PCM1: variants seen among roughly 807,000 people sequenced by gnomAD.
PCM1 encodes the protein pericentriolar material 1.
A neutral mutation model predicts 241.9 loss-of-function variants in PCM1; 157 were observed. That is an observed-to-expected ratio of 0.65 (90% CI 0.57 to 0.74). The LOEUF (loss-of-function observed/expected upper bound fraction) is 0.74, where lower values mean the gene tolerates loss of function less well. PCM1 is among the 30% of genes least tolerant of loss of function. The pLI, the probability that PCM1 is intolerant of heterozygous loss-of-function variation, is 0.00. For synonymous variants in PCM1, 1,085 were observed against 784.9 expected, an observed-to-expected ratio of 1.38 and a Z score of -6.39; for missense variants, 3,478 against 2,360.1, an observed-to-expected ratio of 1.47 and a Z score of -9.81.
Position 17,966,119 on chromosome 8 carries a change from C to G in PCM1, c.2976C>G (p.Tyr992Ter), listed in dbSNP as rs760928956. Residue 992 changes from tyrosine (Y) to a stop codon, truncating the protein, a stop_gained, in exon 19 of 39, where the codon TAC becomes TAG. Transcript: ENST00000325083. LOFTEE classifies it high-confidence loss of function. ...ENLRWVSELS[Y>*]VEEKEQWQEQ... ...TTCGTTGGGTGTCAGAGCTCTCTTA[C>G]GTAGAAGAGAAAGAACAATGGCAAG... The G allele has an allele frequency of 6.2e-7, 1 of 1,612,064 alleles. No homozygotes were observed. The highest frequency in any genetic ancestry group is 8.5e-7 in the Non-Finnish European group (1 of 1,178,382).
At chr8:17,942,467 AATG>A (rs1205837195) in intron 6 of PCM1, among the ~76,000 whole-genome samples, 30 of 151,968 alleles carry the variant, frequency 2.0e-4, no homozygotes, top group African/African-American at 7.0e-4. Flanking sequence ...AAAAAAAAAT[AATG>A]AAATAAAAAT....
intron 9 of PCM1, among the ~76,000 whole-genome samples, chr8:17,954,462 A>C (rs2067280887): frequency 6.6e-6 from 1 of 151,922 alleles, no homozygotes; most frequent in African/African-American, 2.4e-5. Flanking sequence ...AAAACAACTT[A>C]ACATGTGAAA....
In PCM1 at chr8:17,938,939, A is replaced by T. The variant is rs749351444; in HGVS notation, c.542A>T (p.Asn181Ile). The change falls in exon 5 of 39, where the codon AAT becomes ATT. Residue 181 changes from asparagine to isoleucine, a missense_variant. Asn to Ile is a moderately radical substitution (Grantham distance 149). Transcript: ENST00000325083. ...CKELFASALS[N>I]DLLQNCQVSE... ...GAGTTGTTTGCTTCTGCTTTAAGTA[A>T]TGACCTCTTGCAAAACTGTCAGGTG... The T allele has an allele frequency of 1.2e-6, 2 of 1,613,782 alleles. No individual in the cohort carries two copies. Among genetic ancestry groups the T allele is most frequent in the Admixed American group, 3.3e-5 (2 of 60,020 alleles).
chr8:17,990,077 G>C (rs1279971949), intron 27 of PCM1, 98 bp downstream of exon 27: 3 of 936,822 alleles, frequency 3.2e-6, no homozygotes, highest in Non-Finnish European at 4.5e-6. Context: ...GAAAGGCGAA[G>C]TGTGTGTGGT....
chr8:18,027,103 A>T (rs368010127), intron 38 of PCM1, among the ~76,000 whole-genome samples: 1 of 152,164 alleles, frequency 6.6e-6, no homozygotes, highest in Non-Finnish European at 1.5e-5. Flanking sequence ...AAATTGCATG[A>T]TATCTCATTG....
chr8:18,024,404 T>G (rs1331021641), intron 36 of PCM1, among the ~76,000 whole-genome samples: 1 of 152,176 alleles, frequency 6.6e-6, no homozygotes, highest in Admixed American at 6.5e-5. Context: ...ACAGTTATGA[T>G]TCATAATTTC....
rs369300171 is a variant in PCM1, at chr8:17,950,632, G to A, written c.979G>A (p.Gly327Ser). 8.1e-6 allele frequency: 13 copies of A among 1,596,638 alleles called. No individual in the cohort carries two copies. The African/African-American group carries it at 1.6e-4, about 20-fold the overall frequency. The stretch of plus-strand genomic sequence containing the variant: ...CTTTCCAGTTGTTGCAGAAACTGCA[G>A]GTAGCTTATCTGGCGTCAGTATCAC... ...MDDSVVAETA[G>S]SLSGVSITSE... Residue 327 changes from glycine to serine, a missense_variant, in exon 8 of 39, where the codon GGT becomes AGT. Coordinates refer to ENST00000325083, the MANE Select transcript of PCM1 (RefSeq NM_006197.4).
chr8:17,952,493 T>TTCCA (rs993263154), intron 8 of PCM1, among the ~76,000 whole-genome samples: 1 of 152,142 alleles, frequency 6.6e-6, no homozygotes, highest in African/African-American at 2.4e-5. Context: ...TATCTGTGGG[T>TTCCA]TCCACATCCA....
chr8:17,991,717 T>A lies in PCM1; in HGVS notation c.4690+17T>A, dbSNP rs1407118170. 2 of 1,532,638 alleles carry A rather than the reference T, an allele frequency of 1.3e-6. No individual in the cohort carries two copies. The highest frequency in any genetic ancestry group is 2.8e-5 in the African/African-American group (2 of 72,292). The allele number at this position is 1,532,638 out of a possible 1,614,324, so 94.9% of individuals were successfully genotyped here. A position where few individuals can be genotyped will look rare whatever the true frequency, so the allele number is the denominator to read the frequency against. On this transcript the variant is annotated intron_variant, in intron 28 of 38. Coordinates refer to ENST00000325083, the MANE Select transcript of PCM1 (RefSeq NM_006197.4). ...ATTTAGAAGGTATATATTTTTGTTT[T>A]CGGTAGGTTTTTGGAGAACAGGTGG...
At chr8:17,983,222 C>T (rs1450730268) in intron 24 of PCM1, 2 of 1,312,630 alleles carry the variant, frequency 1.5e-6, no homozygotes, top group Non-Finnish European at 2.0e-6. Flanking sequence ...TATGTCTGCC[C>T]TTTCCTACAG....
chr8:18,011,099 A>T, intron 32 of PCM1, 138 bp from the exon 33 acceptor site: 1 of 550,360 alleles, frequency 1.8e-6, no homozygotes, highest in Non-Finnish European at 2.9e-6. Context: ...TTTTTATTTT[A>T]AAAATAAAAC....
chr8:17,940,796 C>G (rs996925509), intron 6 of PCM1, among the ~76,000 whole-genome samples: 3 of 152,244 alleles, frequency 2.0e-5, no homozygotes, highest in East Asian at 1.9e-4. Flanking sequence ...GGAAAGATTT[C>G]TAAAACTTAG....
intron 29 of PCM1, among the ~76,000 whole-genome samples, chr8:18,001,119 T>G (rs1362861595): frequency 6.6e-6 from 1 of 152,210 alleles, no homozygotes; most frequent in Non-Finnish European, 1.5e-5. Flanking sequence ...TGATTCAGCA[T>G]TTGTAAGTTG....
At chr8:17,964,468 A>T in intron 17 of PCM1, 100 bp from the exon 18 acceptor site, 1 of 800,176 alleles carries the variant, frequency 1.2e-6, no homozygotes, top group Non-Finnish European at 2.0e-6. Flanking sequence ...ATATACAGAC[A>T]TGTATATGTA....
In PCM1 at chr8:18,014,040, A is replaced by T. The variant is rs775554300; in HGVS notation, c.5584+4A>T. On this transcript the variant is annotated splice_donor_region_variant and intron_variant, in intron 35 of 38. Transcript: ENST00000325083. ...GAACGAGAAGCCACTAGTAAAAGTA[A>T]GAAATCTAAATAAGTCTTTGATTTT... 1.9e-6 allele frequency: 3 copies of T among 1,540,794 alleles called. No homozygotes were observed. In the East Asian group the frequency reaches 6.8e-5, roughly 35 times the overall value.
rs114673504 is a variant in PCM1 at position 17,938,124 on chromosome 8, C to T, written c.343-616C>T. On this transcript the variant is annotated intron_variant, in intron 4 of 38. Transcript: ENST00000325083. ...AAGCAATATGAGTTAAAGTGTGATC[C>T]ATGGTCCTAGGACACGTTGAGCATC... is the stretch of plus-strand genomic sequence containing the variant. Among the ~76,000 whole-genome samples the T allele has an allele frequency of 5.3e-3, 812 of 152,180 alleles. 7 individuals are homozygous for T. Among genetic ancestry groups the T allele is most frequent in the African/African-American group, 0.017 (720 of 41,528 alleles).
chr8:17,950,944 T>G (rs1319232038), intron 8 of PCM1, among the ~76,000 whole-genome samples: 3 of 152,226 alleles, frequency 2.0e-5, no homozygotes, highest in Non-Finnish European at 2.9e-5. Context: ...GACTATACTT[T>G]AAGAATCACT....
intron 22 of PCM1, among the ~76,000 whole-genome samples, chr8:17,971,928 A>G (rs2076986909): frequency 6.6e-6 from 1 of 152,016 alleles, no homozygotes; most frequent in Admixed American, 6.6e-5. Context: ...AATTTTTTTT[A>G]GAGACGGGGT....
Position 17,985,436 on chromosome 8 carries a change from A to T in PCM1, c.4109-11A>T. ...ATCAATATTAACTTTCTGGTCTTTT[A>T]TGTATTCCAGAAACTGGGAGTGATT... On this transcript the variant is annotated splice_polypyrimidine_tract_variant and intron_variant, in intron 24 of 38. Coordinates refer to ENST00000325083, the MANE Select transcript of PCM1 (RefSeq NM_006197.4). 7 of 1,539,942 alleles carry T rather than the reference A, an allele frequency of 4.5e-6. No homozygotes were observed. The highest frequency in any genetic ancestry group is 6.1e-6 in the Non-Finnish European group (7 of 1,139,750).
Sources: allele counts gnomAD v4.1 joint callset (sites outside exome capture counted in the v4.1 genomes callset), GRCh38; gene constraint gnomAD v4.1.1; transcripts MANE v1.5; gene names NCBI Gene and HGNC (gene_info 2026-07-23, HGNC 2026-07-21).